STK39: variants seen among roughly 807,000 people sequenced by gnomAD.
STK39 encodes the protein serine/threonine kinase 39, also known as STE20/SPS1-related proline-alanine-rich protein kinase.
In STK39, 20 loss-of-function variants were observed where a neutral mutation model predicts 77.8. That is an observed-to-expected ratio of 0.26 (90% confidence interval 0.18 to 0.37). The LOEUF (loss-of-function observed/expected upper bound fraction) is 0.37, where lower values mean the gene tolerates loss of function less well. Among genes scored for constraint, STK39 ranks in the 10% least tolerant of loss-of-function variants. The pLI is 1.00. For missense variants in STK39, 479 were observed against 656.5 expected (o/e 0.73, Z 2.95); for synonymous variants, 246 against 234.1 (o/e 1.05, Z -0.47).
intron 1 of STK39, among the ~76,000 whole-genome samples, chr2:168,234,860 ATT>A (rs1690556573): frequency 6.6e-6 from 1 of 152,082 alleles, no homozygotes; most frequent in African/African-American, 2.4e-5. Context: ...TTTTTACTCT[ATT>A]GAGTCATAGG....
intron 1 of STK39, among the ~76,000 whole-genome samples, chr2:168,231,444 T>C (rs139439244): frequency 1.9e-3 from 289 of 152,046 alleles, no homozygotes; most frequent in East Asian, 0.018. Context: ...AGATGTTAAA[T>C]GGTTAAGTGT....
At chr2:168,046,374 AAAACAAACAAAC>A (rs377383582) in intron 14 of STK39, among the ~76,000 whole-genome samples, 6 of 151,738 alleles carry the variant, frequency 4.0e-5, no homozygotes, top group East Asian at 3.9e-4. Flanking sequence ...TCTCAAAAAC[AAAACAAACAAAC>A]AAACAAACAA....
At chr2:168,152,054 C>T (rs1452024772) in intron 5 of STK39, among the ~76,000 whole-genome samples, 1 of 152,178 alleles carries the variant, frequency 6.6e-6, no homozygotes, top group African/African-American at 2.4e-5. Context: ...ACTGGTCACA[C>T]CTGGAGCAGC....
chr2:168,042,810 C>A (rs867850059), intron 14 of STK39, among the ~76,000 whole-genome samples: 28 of 152,140 alleles, frequency 1.8e-4, no homozygotes, highest in South Asian at 1.2e-3. Flanking sequence ...GAACTCCTGA[C>A]CTTGTGATCC....
At chr2:168,075,765 T>C (rs1046864316) in intron 10 of STK39, among the ~76,000 whole-genome samples, 1 of 152,034 alleles carries the variant, frequency 6.6e-6, no homozygotes, top group Non-Finnish European at 1.5e-5. Context: ...ATTATGCTTA[T>C]TTCCCCAGGA....
intron 8 of STK39, among the ~76,000 whole-genome samples, chr2:168,130,301 A>T (rs971456005): frequency 2.0e-5 from 3 of 152,202 alleles, no homozygotes; most frequent in African/African-American, 7.2e-5. Context: ...ATAAAATGCA[A>T]ATTCATTTAG....
chr2:168,071,604 G>A (rs1038181278), intron 12 of STK39, among the ~76,000 whole-genome samples: 14 of 151,994 alleles, frequency 9.2e-5, no homozygotes, highest in African/African-American at 2.9e-4. Context: ...AAATCAGGCC[G>A]GGCACAGTGG....
intron 16 of STK39, among the ~76,000 whole-genome samples, chr2:168,002,133 A>C (rs1477549790): frequency 6.6e-6 from 1 of 152,234 alleles, no homozygotes; most frequent in Non-Finnish European, 1.5e-5. Context: ...TGTTTCACCC[A>C]AGTGAAGTTA....
At chr2:168,208,626 A>T (rs1689802304) in intron 1 of STK39, among the ~76,000 whole-genome samples, 1 of 152,180 alleles carries the variant, frequency 6.6e-6, no homozygotes, top group Non-Finnish European at 1.5e-5. Context: ...TCTCATTTAG[A>T]CACGTGTGAT....
chr2:168,106,467 AC>A (rs1463944638), intron 10 of STK39, among the ~76,000 whole-genome samples: 1 of 152,198 alleles, frequency 6.6e-6, no homozygotes, highest in African/African-American at 2.4e-5. Flanking sequence ...ATATATTAAA[AC>A]TAAAATTTAA....
chr2:168,015,901 G>A (rs1684390854), intron 15 of STK39, among the ~76,000 whole-genome samples: 1 of 152,120 alleles, frequency 6.6e-6, no homozygotes, highest in Non-Finnish European at 1.5e-5. Flanking sequence ...CAGAAAGAAA[G>A]ATCAATTAGC....
At chr2:168,075,516 C>G (rs1686057240) in intron 10 of STK39, among the ~76,000 whole-genome samples, 1 of 151,972 alleles carries the variant, frequency 6.6e-6, no homozygotes. Flanking sequence ...AAGGATCAAG[C>G]TCATTTTTCA....
chr2:168,187,955 TA>T (rs1689249007), intron 1 of STK39, among the ~76,000 whole-genome samples: 1 of 152,168 alleles, frequency 6.6e-6, no homozygotes, highest in South Asian at 2.1e-4. Context: ...ATATTATATT[TA>T]AATGAGAAGC....
chr2:168,053,556 T>C (rs1559074824), intron 14 of STK39, among the ~76,000 whole-genome samples: 1 of 152,212 alleles, frequency 6.6e-6, no homozygotes, highest in Admixed American at 6.5e-5. Flanking sequence ...AAATACAGAA[T>C]ATCTTTAAAG....
chr2:168,020,391 A>C (rs983172944), intron 14 of STK39, among the ~76,000 whole-genome samples: 5 of 152,124 alleles, frequency 3.3e-5, no homozygotes, highest in Admixed American at 2.0e-4. Flanking sequence ...AAGCTGTTGC[A>C]ATGTTGAATG....
chr2:168,140,599 T>C (rs200069107), intron 6 of STK39, 50 bp downstream of exon 6: 12 of 1,406,728 alleles, frequency 8.5e-6, no homozygotes, highest in Non-Finnish European at 1.1e-5. Flanking sequence ...ATTAATGATC[T>C]GTACGATTGT....
At chr2:168,184,630 A>C (rs6705089) in intron 1 of STK39, among the ~76,000 whole-genome samples, 49,001 of 151,976 alleles carry the variant, frequency 0.32, 8,182 homozygotes, top group East Asian at 0.46. Flanking sequence ...CCCTAGGCAT[A>C]CTTATTCCTT....
At chr2:168,137,543 T>G (rs1476931876) in intron 8 of STK39, among the ~76,000 whole-genome samples, 2 of 152,362 alleles carry the variant, frequency 1.3e-5, no homozygotes, top group East Asian at 3.9e-4. Flanking sequence ...TAATGTTAAT[T>G]TAAAGCCATT....
intron 10 of STK39, 82 bp downstream of exon 10, chr2:168,129,459 G>T: frequency 6.7e-7 from 1 of 1,496,372 alleles, no homozygotes; most frequent in Non-Finnish European, 9.3e-7. Context: ...TGCATATGTG[G>T]AAATCTTTTT....
Sources: gnomAD v4.1 joint callset for allele counts (sites outside exome capture counted in the v4.1 genomes callset) on GRCh38, gnomAD v4.1.1 for gene constraint, MANE v1.5 for transcripts, NCBI Gene and HGNC (gene_info 2026-07-23, HGNC 2026-07-21) for gene names.